HTR4: variants seen among roughly 807,000 people sequenced by gnomAD.
HTR4 encodes the protein 5-hydroxytryptamine receptor 4, also known as 5-hydroxytryptamine (serotonin) receptor 4, G protein-coupled.
HTR4 carries 16 observed loss-of-function variants against 36.8 expected under a neutral mutation model. The observed-to-expected ratio is 0.43, with a 90% confidence interval of 0.29 to 0.66. The LOEUF is 0.66. Ranked by LOEUF, HTR4 falls within the 30% of genes least tolerant of loss-of-function variation. The probability of loss-of-function intolerance (pLI) is 0.13; values close to 1 mark genes in which losing one functional copy is unlikely to be tolerated. For synonymous variants in HTR4, 189 were observed against 185.1 expected, an observed-to-expected ratio of 1.02 and a Z score of -0.17; for missense variants, 438 against 490.9, an observed-to-expected ratio of 0.89 and a Z score of 1.02.
At chr5:148,486,534 T>G (rs1239329009) in intron 6 of HTR4, among the ~76,000 whole-genome samples, 1 of 152,172 alleles carries the variant, frequency 6.6e-6, no homozygotes, top group Non-Finnish European at 1.5e-5. Context: ...TTTTCCCATT[T>G]GTTAAATGAA....
At chr5:148,480,204 CATT>C (rs528296315), downstream of HTR4, among the ~76,000 whole-genome samples, 4 of 152,268 alleles carry the variant, frequency 2.6e-5, no homozygotes, top group South Asian at 8.3e-4. Context: ...AAGTTACGCT[CATT>C]ATTATCAAAA....
exon 6 of HTR4, chr5:148,451,097 G>T (rs867420687): frequency 1.9e-6 from 3 of 1,592,634 alleles, no homozygotes; most frequent in Non-Finnish European, 2.6e-6. Flanking sequence ...CTCACTGGTG[G>T]TGATGAGGTT....
intron 5 of HTR4, among the ~76,000 whole-genome samples, chr5:148,519,511 G>C (rs1757914179): frequency 6.6e-6 from 1 of 152,140 alleles, no homozygotes; most frequent in Admixed American, 6.6e-5. Flanking sequence ...TGTATGTGTA[G>C]GTTTATATGT....
intron 2 of HTR4, among the ~76,000 whole-genome samples, chr5:148,556,007 G>A (rs1759934785): frequency 6.6e-6 from 1 of 151,516 alleles, no homozygotes; most frequent in African/African-American, 2.4e-5. Context: ...GGAGAGTCAA[G>A]AACATTTTTT....
At chr5:148,560,313 C>G (rs1391717475) in intron 2 of HTR4, among the ~76,000 whole-genome samples, 1 of 151,522 alleles carries the variant, frequency 6.6e-6, no homozygotes, top group Admixed American at 6.6e-5. Context: ...CCAGCAAACA[C>G]TAGGATCATC....
intron 4 of HTR4, among the ~76,000 whole-genome samples, chr5:148,526,566 GC>G (rs1264502483): frequency 6.6e-6 from 1 of 152,072 alleles, no homozygotes; most frequent in Non-Finnish European, 1.5e-5. Context: ...AAAACACAAG[GC>G]CAAATTAAGT....
chr5:148,628,132 T>C (rs1753188317), intron 2 of HTR4, among the ~76,000 whole-genome samples: 1 of 152,216 alleles, frequency 6.6e-6, no homozygotes, highest in South Asian at 2.1e-4. Context: ...AATGAACATA[T>C]CTGCTAGGCC....
chr5:148,510,790 ATAACACAGAG>A lies in HTR4; in HGVS notation c.508-776_508-767del, dbSNP rs371434488. 3.5e-4 allele frequency among the ~76,000 whole-genome samples: 54 copies of A among 152,378 alleles called. No individual in the cohort carries two copies. The East Asian group carries it at 6.5e-3, about 18-fold the overall frequency. ...CCTGATGAAGGTTTGTCTCATTTAG[ATAACACAGAG>A]TAACACAGAGTAACAGCCTGTGTTA... On this transcript the variant is annotated intron_variant, in intron 5 of 6. Transcript: ENST00000377888.
chr5:148,476,865 A>T (rs1228258443), downstream of HTR4: 2 of 1,485,662 alleles, frequency 1.3e-6, no homozygotes, highest in African/African-American at 2.8e-5. Flanking sequence ...AACCTCATGC[A>T]GTCCTGGAGG....
At chr5:148,483,934 ATTATTTATTTATTTATTTAT>A (rs146566008) in intron 6 of HTR4, among the ~76,000 whole-genome samples, 91 of 144,816 alleles carry the variant, frequency 6.3e-4, no homozygotes, top group African/African-American at 1.6e-3. Context: ...AGTTGATTTT[ATTATTTATTTATTTATTTAT>A]TTATTTATTT....
intron 6 of HTR4, among the ~76,000 whole-genome samples, chr5:148,485,507 G>T (rs1234715614): frequency 6.6e-6 from 1 of 152,196 alleles, no homozygotes; most frequent in Non-Finnish European, 1.5e-5. Context: ...AGGGGTGCAT[G>T]TTATAAATGT....
chr5:148,469,681 A>G (rs1212871104), intron 5 of HTR4, among the ~76,000 whole-genome samples: 1 of 152,218 alleles, frequency 6.6e-6, no homozygotes, highest in Non-Finnish European at 1.5e-5. Context: ...AAATGGCTGG[A>G]ATCCAATTAT....
intron 1 of HTR4, among the ~76,000 whole-genome samples, chr5:148,647,694 C>A (rs923054751): frequency 9.2e-5 from 14 of 152,230 alleles, no homozygotes; most frequent in African/African-American, 2.9e-4. Context: ...ACTAAAAGTA[C>A]AAAAATTAGC....
At chr5:148,468,037 G>A (rs1037538032) in intron 5 of HTR4, among the ~76,000 whole-genome samples, 2 of 152,204 alleles carry the variant, frequency 1.3e-5, no homozygotes, top group African/African-American at 2.4e-5. Context: ...GTTTGGATAT[G>A]TTTGGTACAG....
At chr5:148,499,344 T>C (rs1756831303) in intron 6 of HTR4, among the ~76,000 whole-genome samples, 1 of 152,182 alleles carries the variant, frequency 6.6e-6, no homozygotes, top group Non-Finnish European at 1.5e-5. Context: ...TAGTGACCTG[T>C]CCAGTACTTT....
Position 148,526,638 on chromosome 5 carries a change from G to A in HTR4, c.354-3292C>T, listed in dbSNP as rs554916299. On this transcript the variant is annotated intron_variant, in intron 4 of 6. Coordinates refer to ENST00000377888, the MANE Select transcript of HTR4 (RefSeq NM_000870.7). ...GGAACCTACCTAAGCATTTATTAGT[G>A]GATAAATGAGTATAGAAAATGTGGT... Among the ~76,000 whole-genome samples the A allele has an allele frequency of 3.9e-5, 6 of 152,134 alleles. No individual in the cohort carries two copies. The South Asian group carries it at 1.2e-3, about 32-fold the overall frequency.
At chr5:148,499,962 C>A (rs1756864468) in intron 6 of HTR4, among the ~76,000 whole-genome samples, 1 of 152,136 alleles carries the variant, frequency 6.6e-6, no homozygotes, top group Non-Finnish European at 1.5e-5. Flanking sequence ...CTTCCTGAGG[C>A]CTCACCAGAA....
chr5:148,601,626 C>T lies in HTR4; in HGVS notation c.26+35363G>A, dbSNP rs74501159. Among the ~76,000 whole-genome samples the T allele has an allele frequency of 4.1e-3, 618 of 152,116 alleles. 2 individuals carry two copies. Among genetic ancestry groups the T allele is most frequent in the African/African-American group, 0.014 (581 of 41,502 alleles). ...GACCAGCCTGGGCAACACAGTGAAA[C>T]CTTCTCTTTGCTAAAAACACAAAAA... On this transcript the variant is annotated intron_variant, in intron 2 of 6. Coordinates refer to ENST00000377888, the MANE Select transcript of HTR4 (RefSeq NM_000870.7).
chr5:148,617,057 C>T (rs1394126679), intron 2 of HTR4, among the ~76,000 whole-genome samples: 1 of 152,212 alleles, frequency 6.6e-6, no homozygotes, highest in Non-Finnish European at 1.5e-5. Flanking sequence ...TTTGTCCCCT[C>T]TAAATCTTAT....
Sources: allele counts gnomAD v4.1 joint callset (sites outside exome capture counted in the v4.1 genomes callset), GRCh38; gene constraint gnomAD v4.1.1; transcripts MANE v1.5; gene names NCBI Gene and HGNC (gene_info 2026-07-23, HGNC 2026-07-21).